FNIP1: variants seen among roughly 807,000 people sequenced by gnomAD.
FNIP1 encodes the protein folliculin-interacting protein 1.
FNIP1 carries 40 observed loss-of-function variants against 124.5 expected under a neutral mutation model. The ratio of observed to expected loss-of-function variants is 0.32; its 90% CI spans 0.25 to 0.42. The LOEUF (loss-of-function observed/expected upper bound fraction) is 0.42. FNIP1 is among the 10% of genes least tolerant of loss of function. The pLI is 1.00. For missense variants in FNIP1, 1,176 were observed against 1,403.7 expected (o/e 0.84, Z 2.59); for synonymous variants, 472 against 470.6 (o/e 1.00, Z -0.04).
At chr5:131,794,229 TAAAAAAAAA>T (rs60617618) in intron 1 of FNIP1, among the ~76,000 whole-genome samples, 2 of 48,450 alleles carry the variant, frequency 4.1e-5, no homozygotes, top group African/African-American at 1.5e-4. Flanking sequence ...AGACTCCATC[TAAAAAAAAA>T]AAAAAAAAAA....
At chr5:131,735,011 T>G (rs936972078) in intron 2 of FNIP1, among the ~76,000 whole-genome samples, 11 of 152,160 alleles carry the variant, frequency 7.2e-5, no homozygotes, top group Non-Finnish European at 1.6e-4. Flanking sequence ...CATGCACACG[T>G]ATGTTTATTG....
In FNIP1 at chr5:131,719,505, T is replaced by C. The variant is rs774161026; in HGVS notation, c.355-88A>G. On this transcript the variant is annotated intron_variant, in intron 3 of 17. Coordinates refer to ENST00000510461, the MANE Select transcript of FNIP1 (RefSeq NM_133372.3). ...TGATTTTTATTAAAAATTCTTGATA[T>C]AGTTATTCTACATTAAGAGTTGTAC... The C allele has an allele frequency of 7.6e-6, 9 of 1,190,338 alleles. No homozygotes were observed. In the South Asian group the frequency reaches 1.0e-4, roughly 13 times the overall value. 73.7% of individuals were successfully genotyped at this position (1,190,338 alleles called of 1,614,324 possible). A position where few individuals can be genotyped will look rare whatever the true frequency, so the allele number is the denominator to read the frequency against.
intron 11 of FNIP1, among the ~76,000 whole-genome samples, chr5:131,690,453 T>C (rs886640976): frequency 6.6e-6 from 1 of 152,116 alleles, no homozygotes; most frequent in South Asian, 2.1e-4. Context: ...GTTTCCCCCA[T>C]GCTGTTCTTG....
intron 9 of FNIP1, among the ~76,000 whole-genome samples, chr5:131,705,867 G>A (rs1434804810): frequency 2.0e-5 from 3 of 152,050 alleles, no homozygotes; most frequent in African/African-American, 4.8e-5. Flanking sequence ...ATAGACAAAT[G>A]GATAAACAAA....
chr5:131,679,294 GAA>G lies in FNIP1; in HGVS notation c.1203-121_1203-120del, dbSNP rs1236773665. On this transcript the variant is annotated intron_variant, in intron 11 of 17. Transcript: ENST00000510461. ...CATCTAGATTATTAAAGCTTTTGAGGAAAGACAATGGACCAAGTCCTTCTTTC... is the reference window on the plus strand; with the variant it reads ...CATCTAGATTATTAAAGCTTTTGAGGAGACAATGGACCAAGTCCTTCTTTC... 9.9e-4 allele frequency: 644 copies of G among 652,648 alleles called. 3 individuals are homozygous for G. The African/African-American group carries it at 0.011, about 11-fold the overall frequency. 40.4% of individuals were successfully genotyped at this position (652,648 alleles called of 1,614,324 possible). A position where few individuals can be genotyped will look rare whatever the true frequency, so the allele number is the denominator to read the frequency against.
chr5:131,763,879 C>T (rs1322143319), intron 1 of FNIP1, among the ~76,000 whole-genome samples: 1 of 152,020 alleles, frequency 6.6e-6, no homozygotes, highest in East Asian at 1.9e-4. Context: ...TAGTAAGATA[C>T]CTTTTGATAT....
chr5:131,721,329 G>C (rs567330635), intron 3 of FNIP1, among the ~76,000 whole-genome samples: 1 of 152,272 alleles, frequency 6.6e-6, no homozygotes, highest in South Asian at 2.1e-4. Flanking sequence ...AGTTACCAGG[G>C]GCTGGGGTGA....
intron 10 of FNIP1, among the ~76,000 whole-genome samples, chr5:131,701,357 A>G (rs1768895703): frequency 6.6e-6 from 1 of 152,210 alleles, no homozygotes. Flanking sequence ...GTAATCTTTA[A>G]TGAGTTCTAT....
intron 15 of FNIP1, among the ~76,000 whole-genome samples, chr5:131,664,118 A>T (rs1767523681): frequency 6.6e-6 from 1 of 152,152 alleles, no homozygotes; most frequent in African/African-American, 2.4e-5. Flanking sequence ...GGGATTATTT[A>T]ATTTTTCTGT....
intron 2 of FNIP1, among the ~76,000 whole-genome samples, chr5:131,732,922 T>C (rs892720694): frequency 4.6e-5 from 7 of 152,200 alleles, no homozygotes; most frequent in African/African-American, 1.7e-4. Context: ...CCTTGGGCAG[T>C]ATGGCTATTT....
At chr5:131,717,346 C>G (rs1769504425) in intron 5 of FNIP1, among the ~76,000 whole-genome samples, 1 of 152,144 alleles carries the variant, frequency 6.6e-6, no homozygotes, top group Non-Finnish European at 1.5e-5. Flanking sequence ...CATAGTAGTC[C>G]ATGGTGTATA....
chr5:131,707,788 A>G (rs564966756), intron 8 of FNIP1, among the ~76,000 whole-genome samples: 1 of 152,306 alleles, frequency 6.6e-6, no homozygotes, highest in South Asian at 2.1e-4. Flanking sequence ...ACACACATTA[A>G]CTTAAATGGC....
intron 3 of FNIP1, among the ~76,000 whole-genome samples, chr5:131,725,334 C>T (rs920382830): frequency 3.3e-5 from 5 of 152,188 alleles, no homozygotes; most frequent in Non-Finnish European, 7.3e-5. Context: ...TATCCATAAG[C>T]ATGAAATGTT....
chr5:131,796,747 G>A lies in FNIP1; in HGVS notation c.92+83C>T, dbSNP rs1772617509. The A allele has an allele frequency of 4.6e-6, 6 of 1,313,244 alleles. No homozygotes were observed. In the Admixed American group the frequency reaches 9.1e-5, roughly 20 times the overall value. 81.3% of individuals were successfully genotyped at this position (1,313,244 alleles called of 1,614,324 possible). ...TCGGCGCGGCGCTTCCGCTCGGGTC[G>A]GAACACCGAAGGCCCCAACACCCCT... On this transcript the variant is annotated intron_variant, in intron 1 of 17. Coordinates refer to ENST00000510461, the MANE Select transcript of FNIP1 (RefSeq NM_133372.3).
chr5:131,728,075 T>C (rs924320422), intron 3 of FNIP1, among the ~76,000 whole-genome samples: 1 of 152,162 alleles, frequency 6.6e-6, no homozygotes, highest in Non-Finnish European at 1.5e-5. Context: ...TTCCTTTGTG[T>C]ATAACCCAAT....
intron 11 of FNIP1, among the ~76,000 whole-genome samples, chr5:131,682,457 A>T (rs1292046168): frequency 1.3e-5 from 2 of 151,994 alleles, no homozygotes; most frequent in Non-Finnish European, 2.9e-5. Context: ...GGTGGCTCAC[A>T]TCTATAATCC....
rs1446448525 is a variant in FNIP1, at chr5:131,643,459, C to G, written c.*1226G>C. 2.6e-5 allele frequency: 4 copies of G among 152,654 alleles called. No homozygotes were observed. The highest frequency in any genetic ancestry group is 2.1e-4 in the South Asian group (1 of 4,828). The allele number at this position is 152,654 out of a possible 1,614,324, so 9.5% of individuals were successfully genotyped here. A position where few individuals can be genotyped will look rare whatever the true frequency, so the allele number is the denominator to read the frequency against. On this transcript the variant is annotated 3_prime_UTR_variant, in exon 18 of 18. Coordinates refer to ENST00000510461, the MANE Select transcript of FNIP1 (RefSeq NM_133372.3). ...AAAGAATAAACTATAATGTAGTACT[C>G]AAGTAAACTGAGGTAGTAGAAAGTA...
At chr5:131,768,679 AT>A (rs1771524535) in intron 1 of FNIP1, among the ~76,000 whole-genome samples, 4 of 152,032 alleles carry the variant, frequency 2.6e-5, no homozygotes, top group Admixed American at 2.0e-4. Flanking sequence ...GGGTAATGTA[AT>A]CCCAGCTACT....
chr5:131,676,190 T>C (rs1471960696), intron 13 of FNIP1, among the ~76,000 whole-genome samples: 1 of 152,088 alleles, frequency 6.6e-6, no homozygotes, highest in African/African-American at 2.4e-5. Context: ...TTTTTTGTAC[T>C]TCTAGTAGAG....
Sources: gnomAD v4.1 joint callset for allele counts (sites outside exome capture counted in the v4.1 genomes callset) on GRCh38, gnomAD v4.1.1 for gene constraint, MANE v1.5 for transcripts, NCBI Gene and HGNC (gene_info 2026-07-23, HGNC 2026-07-21) for gene names.